CDH18: variants seen among roughly 807,000 people sequenced by gnomAD.
The protein encoded by CDH18 is cadherin 18.
CDH18 carries 31 observed loss-of-function variants against 67.9 expected under a neutral mutation model. That is an observed-to-expected ratio of 0.46 (90% CI 0.34 to 0.62). The LOEUF (loss-of-function observed/expected upper bound fraction) is 0.62, where lower values mean the gene tolerates loss of function less well. CDH18 is among the 20% of genes least tolerant of loss of function. CDH18 has a pLI of 0.01. For missense variants in CDH18, 890 were observed against 975.5 expected (o/e 0.91, Z 1.17); for synonymous variants, 362 against 347.2 (o/e 1.04, Z -0.48).
At chr5:20,171,713 A>G (rs1333127134) in intron 2 of CDH18, among the ~76,000 whole-genome samples, 1 of 151,782 alleles carries the variant, frequency 6.6e-6, no homozygotes, top group African/African-American at 2.4e-5. Flanking sequence ...AAAAGCTCTT[A>G]AGTTTAATTG....
intron 3 of CDH18, among the ~76,000 whole-genome samples, chr5:19,806,350 T>C (rs1046986258): frequency 6.6e-6 from 1 of 152,236 alleles, no homozygotes; most frequent in African/African-American, 2.4e-5. Context: ...TCACTAATCA[T>C]TGCAGCGGCA....
At chr5:20,339,546 A>G (rs1009120206) in intron 1 of CDH18, among the ~76,000 whole-genome samples, 8 of 152,032 alleles carry the variant, frequency 5.3e-5, no homozygotes, top group Non-Finnish European at 1.0e-4. Context: ...ATAGAGAGGC[A>G]CTACCTTCTC....
chr5:19,566,373 T>C (rs955069155), intron 8 of CDH18, among the ~76,000 whole-genome samples: 4 of 152,190 alleles, frequency 2.6e-5, no homozygotes, highest in Non-Finnish European at 1.5e-5. Flanking sequence ...TGCTGCTATG[T>C]TTATATGAAA....
At chr5:19,669,858 C>T (rs532843655) in intron 5 of CDH18, among the ~76,000 whole-genome samples, 8 of 152,170 alleles carry the variant, frequency 5.3e-5, no homozygotes, top group Non-Finnish European at 1.0e-4. Flanking sequence ...ATGGTTAACA[C>T]AACAGAAACA....
chr5:20,109,859 C>A (rs764470744), intron 2 of CDH18, among the ~76,000 whole-genome samples: 1 of 152,056 alleles, frequency 6.6e-6, no homozygotes, highest in Admixed American at 6.6e-5. Flanking sequence ...AAAAAAAATA[C>A]TTTTGGATGT....
rs113994887 is a variant in CDH18 at position 20,169,058 on chromosome 5, C to T, written c.-518+86386G>A. 3.9e-5 allele frequency among the ~76,000 whole-genome samples: 6 copies of T among 152,074 alleles called. No individual in the cohort carries two copies. In the South Asian group the frequency reaches 1.2e-3, roughly 32 times the overall value. Reference sequence around the variant, plus strand: ...AATAGAAAGAAAGAATGAATAAGACCTACTGTTTGATAGCAAACAAAGATG... The same window carrying T: ...AATAGAAAGAAAGAATGAATAAGACTTACTGTTTGATAGCAAACAAAGATG... On this transcript the variant is annotated intron_variant, in intron 2 of 14. Transcript: ENST00000507958.
At chr5:19,904,178 G>C (rs1790265105) in intron 2 of CDH18, among the ~76,000 whole-genome samples, 1 of 151,764 alleles carries the variant, frequency 6.6e-6, no homozygotes, top group African/African-American at 2.4e-5. Context: ...GGAGGCTGAA[G>C]AAGGAGAATC....
chr5:20,439,479 C>A (rs566432858), intron 1 of CDH18, among the ~76,000 whole-genome samples: 1 of 151,264 alleles, frequency 6.6e-6, no homozygotes, highest in East Asian at 1.9e-4. Flanking sequence ...ATGCACACAC[C>A]GTTTCATAAT....
chr5:20,151,210 C>T (rs568236148), intron 2 of CDH18, among the ~76,000 whole-genome samples: 1 of 152,056 alleles, frequency 6.6e-6, no homozygotes, highest in Non-Finnish European at 1.5e-5. Flanking sequence ...CAATGTTTAG[C>T]TTCCACTTAT....
chr5:19,945,965 T>G (rs1266770429), intron 2 of CDH18, among the ~76,000 whole-genome samples: 1 of 151,958 alleles, frequency 6.6e-6, no homozygotes, highest in Non-Finnish European at 1.5e-5. Flanking sequence ...AAGAAATAAT[T>G]TGCTGCACGC....
intron 1 of CDH18, among the ~76,000 whole-genome samples, chr5:20,522,402 AT>A (rs1755802083): frequency 6.6e-6 from 1 of 152,204 alleles, no homozygotes; most frequent in East Asian, 1.9e-4. Flanking sequence ...TAAATATATG[AT>A]AAGAATGAAT....
chr5:19,646,060 T>C (rs1754690361), intron 5 of CDH18, among the ~76,000 whole-genome samples: 1 of 152,122 alleles, frequency 6.6e-6, no homozygotes, highest in Non-Finnish European at 1.5e-5. Flanking sequence ...TGTCTCTACC[T>C]AAGACAGCAG....
rs187879905 is a variant in CDH18 at position 19,681,217 on chromosome 5, C to A, written c.643+40130G>T. Among the ~76,000 whole-genome samples, 27 of 151,956 alleles carry A rather than the reference C, an allele frequency of 1.8e-4. No homozygotes were observed. The East Asian group carries it at 5.1e-3, about 28-fold the overall frequency. On this transcript the variant is annotated intron_variant, in intron 5 of 12. Coordinates refer to ENST00000382275, the MANE Select transcript of CDH18 (RefSeq NM_004934.5). The stretch of plus-strand genomic sequence containing the variant: ...ATAAGTGGAAGCTTAACATGGGGTA[C>A]ACACGAACACATGACTTAAGAGCGC...
In CDH18 at chr5:20,062,140, AATT is replaced by A. The variant is rs113839953; in HGVS notation, c.-517-70129_-517-70127del. Among the ~76,000 whole-genome samples the A allele has an allele frequency of 6.0e-3, 833 of 137,928 alleles. 11 individuals carry two copies. The highest frequency in any genetic ancestry group is 0.016 in the African/African-American group (611 of 37,392). The allele number at this position is 137,928 out of a possible 152,430, so 90.5% of individuals were successfully genotyped here. Reference sequence around the variant, plus strand: ...AAAGTAAACTAATCTTTAAGCCCAGAATTATTATTATTATTATTATTATTATTA... The same window carrying A: ...AAAGTAAACTAATCTTTAAGCCCAGAATTATTATTATTATTATTATTATTA... On this transcript the variant is annotated intron_variant, in intron 2 of 14. Transcript: ENST00000507958.
intron 2 of CDH18, among the ~76,000 whole-genome samples, chr5:20,247,547 C>G (rs190355709): frequency 1.3e-5 from 2 of 152,030 alleles, no homozygotes; most frequent in South Asian, 4.2e-4. Context: ...GGGTGGATAA[C>G]GAGGTCAAGA....
intron 2 of CDH18, among the ~76,000 whole-genome samples, chr5:20,180,069 A>T (rs1488182165): frequency 6.6e-6 from 1 of 152,184 alleles, no homozygotes; most frequent in Non-Finnish European, 1.5e-5. Context: ...GCCAGGTTGG[A>T]CTGCCAGAAT....
intron 2 of CDH18, among the ~76,000 whole-genome samples, chr5:20,088,718 T>G (rs1745181428): frequency 6.6e-6 from 1 of 152,202 alleles, no homozygotes; most frequent in Non-Finnish European, 1.5e-5. Context: ...AGCCTTTTTT[T>G]CAACTTGGCC....
chr5:20,363,369 C>T (rs1025602525), intron 1 of CDH18, among the ~76,000 whole-genome samples: 1 of 150,504 alleles, frequency 6.6e-6, no homozygotes, highest in African/African-American at 2.4e-5. Flanking sequence ...CCTGTAATCC[C>T]AGCTACTTGG....
At chr5:20,222,112 T>C (rs901008786) in intron 2 of CDH18, among the ~76,000 whole-genome samples, 3 of 152,262 alleles carry the variant, frequency 2.0e-5, no homozygotes, top group South Asian at 4.1e-4. Context: ...CTCCTCATGA[T>C]AGCAGAGTCC....
Sources: gnomAD v4.1 joint callset for allele counts (sites outside exome capture counted in the v4.1 genomes callset) on GRCh38, gnomAD v4.1.1 for gene constraint, MANE v1.5 for transcripts, NCBI Gene and HGNC (gene_info 2026-07-23, HGNC 2026-07-21) for gene names.